SLC5A1: variants seen among roughly 807,000 people sequenced by gnomAD.
The protein encoded by SLC5A1 is solute carrier family 5 member 1, also known as sodium/glucose cotransporter 1.
Under a neutral mutation model 73.5 loss-of-function variants are expected in SLC5A1, and 42 were observed. The ratio of observed to expected loss-of-function variants is 0.57; its 90% CI spans 0.45 to 0.74. The LOEUF is 0.74. Ranked by LOEUF, SLC5A1 falls within the 30% of genes least tolerant of loss-of-function variation. The pLI is 0.00. For missense variants in SLC5A1, 634 were observed against 855.4 expected (o/e 0.74, Z 3.23); for synonymous variants, 300 against 317.4 (o/e 0.95, Z 0.58).
At chr22:32,077,351 T>G (rs2093992755) in intron 5 of SLC5A1, among the ~76,000 whole-genome samples, 1 of 150,288 alleles carries the variant, frequency 6.7e-6, no homozygotes, top group African/African-American at 2.5e-5. Context: ...TTCACTTTCT[T>G]CCTTTCCCCT....
intron 7 of SLC5A1, 69 bp downstream of exon 7, chr22:32,083,223 G>A: frequency 7.6e-7 from 1 of 1,307,288 alleles, no homozygotes; most frequent in East Asian, 2.3e-5. Flanking sequence ...AGGAAGGCAA[G>A]TCCAGCCTCT....
rs148567513 is a variant in SLC5A1 at position 32,101,694 on chromosome 22, A to C, written c.1450-328A>C. ...GAGGCTCAAATTATTTTTCAAGTTA[A>C]AGGGAATTTTTGGAATCAAGTCTGT... On this transcript the variant is annotated intron_variant, in intron 12 of 14. Coordinates refer to ENST00000266088, the MANE Select transcript of SLC5A1 (RefSeq NM_000343.4). 9.6e-3 allele frequency among the ~76,000 whole-genome samples: 1,466 copies of C among 152,294 alleles called. 29 individuals are homozygous for C. The highest frequency in any genetic ancestry group is 0.033 in the African/African-American group (1,389 of 41,548).
intron 2 of SLC5A1, among the ~76,000 whole-genome samples, chr22:32,061,929 C>T (rs1015574419): frequency 6.6e-6 from 1 of 151,970 alleles, no homozygotes; most frequent in African/African-American, 2.4e-5. Flanking sequence ...AGTCCATTGT[C>T]GATGAGGAAC....
chr22:32,068,151 C>G, intron 4 of SLC5A1, 125 bp downstream of exon 4: 1 of 947,954 alleles, frequency 1.1e-6, no homozygotes, highest in Non-Finnish European at 1.7e-6. Flanking sequence ...GCTTTCACTC[C>G]CAGGTTATGA....
intron 11 of SLC5A1, among the ~76,000 whole-genome samples, chr22:32,098,557 T>G (rs1340665462): frequency 7.2e-6 from 1 of 139,652 alleles, no homozygotes; most frequent in Non-Finnish European, 1.7e-5. Context: ...GTTCCCATAC[T>G]CTATTGCCTC....
At chr22:32,093,448 T>C (rs1306701146) in intron 11 of SLC5A1, among the ~76,000 whole-genome samples, 3 of 152,228 alleles carry the variant, frequency 2.0e-5, no homozygotes, top group African/African-American at 4.8e-5. Flanking sequence ...ATGGGATGTG[T>C]TTCCATTTGT....
chr22:32,059,674 G>C (rs1173615457), intron 2 of SLC5A1, among the ~76,000 whole-genome samples: 1 of 152,068 alleles, frequency 6.6e-6, no homozygotes, highest in East Asian at 1.9e-4. Flanking sequence ...ACAGCTGAGA[G>C]GTTGAAAAGT....
rs1446777160 is a variant in SLC5A1 at position 32,111,674 on chromosome 22, G to T, written c.*1461G>T. 1 of 152,140 alleles carries T rather than the reference G, an allele frequency of 6.6e-6. No individual in the cohort carries two copies. Among genetic ancestry groups the T allele is most frequent in the Admixed American group, 6.5e-5 (1 of 15,272 alleles). The allele number at this position is 152,140 out of a possible 1,614,324, so 9.4% of individuals were successfully genotyped here. On this transcript the variant is annotated 3_prime_UTR_variant, in exon 15 of 15. Transcript: ENST00000266088. ...GGCCTTTGGGTAGGCTGATCAGAGG[G>T]TTTTTCAACAATAAATCAATGGGAA...
chr22:32,100,543 T>C (rs1437158270), intron 12 of SLC5A1, among the ~76,000 whole-genome samples: 1 of 152,154 alleles, frequency 6.6e-6, no homozygotes, highest in Non-Finnish European at 1.5e-5. Context: ...GTTTTTATTA[T>C]GAAAAAATTT....
intron 14 of SLC5A1, 54 bp downstream of exon 14, chr22:32,104,945 C>T (rs1231203576): frequency 4.1e-6 from 5 of 1,215,736 alleles, no homozygotes; most frequent in Non-Finnish European, 6.1e-6. Flanking sequence ...CCTACAACAA[C>T]AAGACTTTAC....
At chr22:32,049,899 A>G (rs1343709058) in intron 1 of SLC5A1, 44 bp from the exon 2 acceptor site, 5 of 1,535,630 alleles carry the variant, frequency 3.3e-6, no homozygotes, top group African/African-American at 1.4e-5. Context: ...TGGCAAGGCC[A>G]CTCTTCTAGT....
intron 2 of SLC5A1, among the ~76,000 whole-genome samples, chr22:32,052,551 A>G (rs1203085999): frequency 6.6e-6 from 1 of 152,126 alleles, no homozygotes; most frequent in African/African-American, 2.4e-5. Context: ...GGAAGAAGTG[A>G]GAAGGAAAGA....
At chr22:32,079,366 G>A (rs550551014) in intron 5 of SLC5A1, among the ~76,000 whole-genome samples, 31 of 152,254 alleles carry the variant, frequency 2.0e-4, no homozygotes, top group African/African-American at 7.5e-4. Flanking sequence ...AATTCACCAG[G>A]GAGGTTTCCT....
Position 32,102,111 on chromosome 22 carries a change from G to A in SLC5A1, c.1539G>A (p.Glu513=). Residue 513 remains glutamate, a synonymous_variant, in exon 13 of 15, where the codon GAG becomes GAA. Transcript: ENST00000266088. ...CTTATGGAACCGGGAGCTGCATGGAGCCCAGCAACTGTCCCACGATTATCT... is the reference window on the plus strand; with the variant it reads ...CTTATGGAACCGGGAGCTGCATGGAACCCAGCAACTGTCCCACGATTATCT... ...EFAYGTGSCM[E]PSNCPTIICG... is the part of the protein sequence containing the mutation. 1 of 1,613,968 alleles carries A rather than the reference G, an allele frequency of 6.2e-7. No homozygotes were observed. Among genetic ancestry groups the A allele is most frequent in the Non-Finnish European group, 8.5e-7 (1 of 1,179,954 alleles).
intron 14 of SLC5A1, among the ~76,000 whole-genome samples, chr22:32,108,519 GA>G (rs927008779): frequency 5.3e-5 from 8 of 152,236 alleles, no homozygotes; most frequent in African/African-American, 1.9e-4. Context: ...AGTCAAAGGG[GA>G]GAGGTGTGAG....
chr22:32,051,772 C>T (rs1307558984), intron 2 of SLC5A1, among the ~76,000 whole-genome samples: 1 of 152,156 alleles, frequency 6.6e-6, no homozygotes, highest in Non-Finnish European at 1.5e-5. Flanking sequence ...CTGTAAAGGG[C>T]CAGATTCTAA....
Position 32,109,175 on chromosome 22 carries a change from T to TA in SLC5A1, c.1772-809dup, listed in dbSNP as rs1244361856. ...GGCAACAGAGCAAGACTCTGTCTCTTAAAAAATAAAGATAAAATTCAGTGA... is the reference window on the plus strand; with the variant it reads ...GGCAACAGAGCAAGACTCTGTCTCTTAAAAAAATAAAGATAAAATTCAGTGA... On this transcript the variant is annotated intron_variant, in intron 14 of 14. Transcript: ENST00000266088. Among the ~76,000 whole-genome samples, 4 of 152,090 alleles carry TA rather than the reference T, an allele frequency of 2.6e-5. No homozygotes were observed. In the East Asian group the frequency reaches 7.7e-4, roughly 29 times the overall value.
Position 32,066,970 on chromosome 22 carries a change from T to C in SLC5A1, c.243T>C (p.Ser81=). The change falls in exon 3 of 15, where the codon AGT becomes AGC. Residue 81 remains serine, a synonymous_variant. Transcript: ENST00000266088. The part of the protein sequence containing the change: ...GASLFASNIG[S]GHFVGLAGTG... The stretch of plus-strand genomic sequence containing the variant: ...CCCTCTTTGCTAGTAACATTGGAAG[T>C]GGCCACTTTGTGGGGCTGGCCGGGA... 6.2e-7 allele frequency: 1 copy of C among 1,613,826 alleles called. No homozygotes were observed. Among genetic ancestry groups the C allele is most frequent in the Non-Finnish European group, 8.5e-7 (1 of 1,179,744 alleles).
At chr22:32,073,432 G>T (rs1296869677) in intron 5 of SLC5A1, among the ~76,000 whole-genome samples, 1 of 152,180 alleles carries the variant, frequency 6.6e-6, no homozygotes, top group Non-Finnish European at 1.5e-5. Flanking sequence ...CTGCCTCCTT[G>T]TGTAGCTTCC....
Sources: gnomAD v4.1 joint callset for allele counts (sites outside exome capture counted in the v4.1 genomes callset) on GRCh38, gnomAD v4.1.1 for gene constraint, MANE v1.5 for transcripts, NCBI Gene and HGNC (gene_info 2026-07-23, HGNC 2026-07-21) for gene names.